ZMPSTE24: variants seen among roughly 807,000 people sequenced by gnomAD.
The protein encoded by ZMPSTE24 is CAAX prenyl protease 1 homolog.
Under a neutral mutation model 56.7 loss-of-function variants are expected in ZMPSTE24, and 48 were observed. The ratio of observed to expected loss-of-function variants is 0.85; its 90% CI spans 0.67 to 1.08. ZMPSTE24 has a LOEUF of 1.08. ZMPSTE24 is among the 50% of genes least tolerant of loss of function. The pLI is 0.00. For synonymous variants in ZMPSTE24, 172 were observed against 195.2 expected, an observed-to-expected ratio of 0.88 and a Z score of 0.99; for missense variants, 503 against 548.7, an observed-to-expected ratio of 0.92 and a Z score of 0.83.
In ZMPSTE24 at chr1:40,271,880, C is replaced by T. The variant is rs1251359364; in HGVS notation, c.628-14C>T. The stretch of plus-strand genomic sequence containing the variant: ...AGAACATGTTCATATGTTATTCTGA[C>T]ATTTACTTTTCAGGTTCTTGTCACA... On this transcript the variant is annotated splice_polypyrimidine_tract_variant and intron_variant, in intron 5 of 9. Transcript: ENST00000372759. 4 of 1,612,812 alleles carry T rather than the reference C, an allele frequency of 2.5e-6. No individual in the cohort carries two copies. Among genetic ancestry groups the T allele is most frequent in the Non-Finnish European group, 3.4e-6 (4 of 1,179,222 alleles).
At chr1:40,273,052 T>C (rs555225193) in intron 6 of ZMPSTE24, among the ~76,000 whole-genome samples, 1 of 152,322 alleles carries the variant, frequency 6.6e-6, no homozygotes, top group South Asian at 2.1e-4. Context: ...CAGATTGGAT[T>C]TGGCCTGTGA....
At chr1:40,262,068 A>G (rs1003285803) in intron 2 of ZMPSTE24, among the ~76,000 whole-genome samples, 1 of 152,180 alleles carries the variant, frequency 6.6e-6, no homozygotes, top group African/African-American at 2.4e-5. Flanking sequence ...TTTTAGATCT[A>G]CTAGTACCAC....
At position 40,272,029 on chromosome 1, in the gene ZMPSTE24, G is replaced by A. The variant is rs1643618973; in HGVS notation, c.763G>A (p.Val255Met). Residue 255 changes from valine to methionine, a missense_variant, in exon 6 of 10, where the codon GTG becomes ATG. Coordinates refer to ENST00000372759, the MANE Select transcript of ZMPSTE24 (RefSeq NM_005857.5). ...IDFPLTKVYVVEGSKRSSHSN... is the reference protein window; with the variant it reads ...IDFPLTKVYVMEGSKRSSHSN... ...CTTTCCTTTGACGAAGGTGTATGTT[G>A]TGGAAGGTAAGGCTACCTGGGGATA... 1.2e-6 allele frequency: 2 copies of A among 1,606,418 alleles called. No homozygotes were observed. The highest frequency in any genetic ancestry group is 8.5e-7 in the Non-Finnish European group (1 of 1,175,838).
chr1:40,285,166 G>A (rs1450756790), intron 7 of ZMPSTE24, among the ~76,000 whole-genome samples: 1 of 150,134 alleles, frequency 6.7e-6, no homozygotes, highest in Non-Finnish European at 1.5e-5. Context: ...GAGTGCAATG[G>A]CGTGATCTCA....
chr1:40,266,577 C>T (rs539001870), intron 2 of ZMPSTE24, among the ~76,000 whole-genome samples: 6 of 152,128 alleles, frequency 3.9e-5, no homozygotes, highest in Admixed American at 6.5e-5. Flanking sequence ...TCTTCCTGAC[C>T]CAGCAAAGAC....
intron 2 of ZMPSTE24, chr1:40,262,748 G>A: frequency 1.0e-6 from 1 of 993,284 alleles, no homozygotes; most frequent in South Asian, 2.1e-5. Flanking sequence ...CTTGGTAAGT[G>A]TATTTGCCTC....
At chr1:40,290,618 G>A (rs1643831710) in intron 8 of ZMPSTE24, 1 of 393,918 alleles carries the variant, frequency 2.5e-6, no homozygotes, top group South Asian at 2.2e-5. Context: ...CCGCCACCAC[G>A]TCCGGCTAAT....
At chr1:40,271,787 C>G in intron 5 of ZMPSTE24, 107 bp from the exon 6 acceptor site, 2 of 1,294,538 alleles carry the variant, frequency 1.5e-6, no homozygotes, top group Non-Finnish European at 2.1e-6. Context: ...TCCTTGTTCT[C>G]AAGTTTGAGG....
At chr1:40,264,390 G>A (rs901663158) in intron 2 of ZMPSTE24, among the ~76,000 whole-genome samples, 1 of 152,030 alleles carries the variant, frequency 6.6e-6, no homozygotes. Flanking sequence ...ACCTTGTATG[G>A]TTTGTGGCAA....
rs1643860753 is a variant in ZMPSTE24 at position 40,293,211 on chromosome 1, T to C, written c.*542T>C. The C allele has an allele frequency of 6.5e-6, 1 of 153,092 alleles. No individual in the cohort carries two copies. The highest frequency in any genetic ancestry group is 2.4e-5 in the African/African-American group (1 of 41,484). The allele number at this position is 153,092 out of a possible 1,614,324, so 9.5% of individuals were successfully genotyped here. A position where few individuals can be genotyped will look rare whatever the true frequency, so the allele number is the denominator to read the frequency against. ...AAGTAGTTAGAAAAATGCTCTCCTA[T>C]TCTACCAAATTTTTAATTTCTTTCT... On this transcript the variant is annotated 3_prime_UTR_variant, in exon 10 of 10. Transcript: ENST00000372759.
intron 2 of ZMPSTE24, among the ~76,000 whole-genome samples, chr1:40,261,351 ATT>A (rs764643306): frequency 6.9e-6 from 1 of 145,902 alleles, no homozygotes; most frequent in African/African-American, 2.5e-5. Context: ...ATTTGCCTGG[ATT>A]TTTTTTTTTT....
chr1:40,268,659 A>G (rs2124581107), intron 4 of ZMPSTE24, 124 bp downstream of exon 4: 1 of 704,794 alleles, frequency 1.4e-6, no homozygotes, highest in Non-Finnish European at 2.3e-6. Context: ...AAAGGGAACT[A>G]CAGATATGGT....
intron 8 of ZMPSTE24, 106 bp downstream of exon 8, chr1:40,286,135 G>A: frequency 1.0e-6 from 1 of 988,320 alleles, no homozygotes; most frequent in Non-Finnish European, 1.6e-6. Flanking sequence ...ACCACAGCCA[G>A]GCTACCTGGT....
rs916609255 is a variant in ZMPSTE24, at chr1:40,292,987, T to A, written c.*318T>A. ...ACTTATATGGAATCTGCATGTGAGG[T>A]GTTTGAGGGCATATGTTTGAAAGAG... is the stretch of plus-strand genomic sequence containing the variant. On this transcript the variant is annotated 3_prime_UTR_variant, in exon 10 of 10. Transcript: ENST00000372759. The A allele has an allele frequency of 3.4e-6, 1 of 291,114 alleles. No homozygotes were observed. The highest frequency in any genetic ancestry group is 3.3e-5 in the South Asian group (1 of 30,458). The allele number at this position is 291,114 out of a possible 1,614,324, so 18.0% of individuals were successfully genotyped here.
chr1:40,263,078 A>C, intron 2 of ZMPSTE24: 15 of 791,530 alleles, frequency 1.9e-5, no homozygotes, highest in Non-Finnish European at 2.3e-5. Flanking sequence ...AAGCATTTTC[A>C]ATCTCCTTGG....
intron 8 of ZMPSTE24, among the ~76,000 whole-genome samples, chr1:40,287,810 CA>C (rs1643802585): frequency 1.3e-5 from 2 of 152,086 alleles, no homozygotes; most frequent in African/African-American, 4.8e-5. Flanking sequence ...GGTGAAAAAG[CA>C]CTATATCATG....
At position 40,292,523 on chromosome 1, in the gene ZMPSTE24, G is replaced by C. The variant is rs1235010984; in HGVS notation, c.1282G>C (p.Ala428Pro). ...ADAFAKKLGK[A>P]KDLYSALIKL... Reference sequence around the variant, plus strand: ...TGCATTTGCCAAGAAACTTGGGAAGGCTAAAGACTTATATTCTGCTTTAAT... The same window carrying C: ...TGCATTTGCCAAGAAACTTGGGAAGCCTAAAGACTTATATTCTGCTTTAAT... Residue 428 changes from alanine (A) to proline (P), a missense_variant, in exon 10 of 10, where the codon GCT (alanine) becomes CCT (proline). By Grantham distance (27) the Ala-to-Pro change is conservative (BLOSUM62 -1). Transcript: ENST00000372759. 6.2e-7 allele frequency: 1 copy of C among 1,614,126 alleles called. No homozygotes were observed. Among genetic ancestry groups the C allele is most frequent in the Non-Finnish European group, 8.5e-7 (1 of 1,180,012 alleles).
intron 6 of ZMPSTE24, among the ~76,000 whole-genome samples, chr1:40,273,537 A>AAAAAAT (rs1224234676): frequency 5.7e-4 from 7 of 12,388 alleles, no homozygotes; most frequent in South Asian, 4.3e-3. Context: ...AAAAAAAAAA[A>AAAAAAT]ATATATATAT....
intron 8 of ZMPSTE24, 184 bp from the exon 9 acceptor site, chr1:40,290,670 G>A: frequency 1.9e-6 from 1 of 538,106 alleles, no homozygotes; most frequent in Admixed American, 3.2e-5. Flanking sequence ...CACCATGTTA[G>A]CCAGGATGGT....
Sources: allele counts gnomAD v4.1 joint callset (sites outside exome capture counted in the v4.1 genomes callset), GRCh38; gene constraint gnomAD v4.1.1; transcripts MANE v1.5; gene names NCBI Gene and HGNC (gene_info 2026-07-23, HGNC 2026-07-21).